The following SESTD1 variants were observed in gnomAD, a reference collection of about 807,000 sequenced individuals.
SESTD1 encodes SEC14 and spectrin domain containing 1.
In SESTD1, 43 loss-of-function variants were observed where a neutral mutation model predicts 101.7. The ratio of observed to expected loss-of-function variants is 0.42; its 90% CI spans 0.33 to 0.55. The LOEUF is 0.55. Ranked by LOEUF, SESTD1 falls within the 20% of genes least tolerant of loss-of-function variation. The pLI is 0.07. For synonymous variants in SESTD1, 283 were observed against 286.8 expected (o/e 0.99, Z 0.13); for missense variants, 647 against 815.1 (o/e 0.79, Z 2.51).
intron 10 of SESTD1, among the ~76,000 whole-genome samples, chr2:179,128,021 GA>G (rs2044916887): frequency 1.3e-5 from 2 of 152,192 alleles, no homozygotes; most frequent in Non-Finnish European, 2.9e-5. Context: ...TAGAGTCCTA[GA>G]ATAGCACTTT....
intron 5 of SESTD1, among the ~76,000 whole-genome samples, chr2:179,155,328 A>G (rs961108182): frequency 6.6e-6 from 1 of 152,188 alleles, no homozygotes. Flanking sequence ...CAATATATTA[A>G]TAAGATATAT....
intron 2 of SESTD1, among the ~76,000 whole-genome samples, chr2:179,191,289 A>G: frequency 6.6e-6 from 1 of 152,230 alleles, no homozygotes; most frequent in Non-Finnish European, 1.5e-5. Flanking sequence ...ACATGGATGC[A>G]GCCAGAGGCC....
At chr2:179,249,565 T>A (rs2047284509) in intron 1 of SESTD1, among the ~76,000 whole-genome samples, 1 of 152,210 alleles carries the variant, frequency 6.6e-6, no homozygotes. Context: ...GCAGACTCAC[T>A]ATAGAAACGT....
chr2:179,123,298 C>T (rs1312746518), intron 12 of SESTD1, among the ~76,000 whole-genome samples: 1 of 152,100 alleles, frequency 6.6e-6, no homozygotes, highest in Non-Finnish European at 1.5e-5. Context: ...ACCAAAAAAC[C>T]AAACCAACTA....
chr2:179,198,857 A>T (rs1221884140), intron 1 of SESTD1, among the ~76,000 whole-genome samples: 5 of 151,532 alleles, frequency 3.3e-5, no homozygotes, highest in Non-Finnish European at 7.4e-5. Context: ...AAAGCAGGAA[A>T]GATCCAAAAT....
At chr2:179,131,425 A>C (rs1370938779) in intron 10 of SESTD1, among the ~76,000 whole-genome samples, 1 of 152,212 alleles carries the variant, frequency 6.6e-6, no homozygotes, top group African/African-American at 2.4e-5. Flanking sequence ...GAAACGTTGC[A>C]GAAATTAATG....
chr2:179,227,990 A>G (rs560629592), intron 1 of SESTD1, among the ~76,000 whole-genome samples: 5 of 152,278 alleles, frequency 3.3e-5, no homozygotes. Flanking sequence ...TTTTAGCTTA[A>G]GCCCACTCAC....
rs1160117644 is a variant in SESTD1 at position 179,206,506 on chromosome 2, G to A, written c.-25-14640C>T. 2.2e-5 allele frequency among the ~76,000 whole-genome samples: 3 copies of A among 135,656 alleles called. 1 individual carries two copies. The highest frequency in any genetic ancestry group is 4.8e-5 in the Non-Finnish European group (3 of 62,942). 89.0% of individuals were successfully genotyped at this position (135,656 alleles called of 152,430 possible). ...CTGGAAGAGCCCTGTAGGCACTCCT[G>A]GTCCCCAGCATGAGCCCAGGGAAGC... On this transcript the variant is annotated intron_variant, in intron 1 of 17. Transcript: ENST00000428443.
Position 179,236,266 on chromosome 2 carries a change from T to C in SESTD1, c.-26+28233A>G, listed in dbSNP as rs964669105. ...ACTTTGGGAAGCTAAGACAGGAGGA[T>C]TGCTTGACCCCAAGAGTTCAAGACC... On this transcript the variant is annotated intron_variant, in intron 1 of 17. Transcript: ENST00000428443. Among the ~76,000 whole-genome samples, 4 of 147,974 alleles carry C rather than the reference T, an allele frequency of 2.7e-5. No individual in the cohort carries two copies. In the South Asian group the frequency reaches 6.4e-4, roughly 24 times the overall value.
rs1441839347 is a variant in SESTD1, at chr2:179,126,527, C to T, written c.973-1969G>A. On this transcript the variant is annotated intron_variant, in intron 10 of 17. Coordinates refer to ENST00000428443, the MANE Select transcript of SESTD1 (RefSeq NM_178123.5). Reference sequence around the variant, plus strand: ...TCTTCTCACTGGGTTTGGATGACTTCACCTAGTCCCATGCCTTTAAATAGA... The same window carrying T: ...TCTTCTCACTGGGTTTGGATGACTTTACCTAGTCCCATGCCTTTAAATAGA... Among the ~76,000 whole-genome samples, 3 of 152,158 alleles carry T rather than the reference C, an allele frequency of 2.0e-5. No individual in the cohort carries two copies. The East Asian group carries it at 5.8e-4, about 29-fold the overall frequency.
At chr2:179,241,594 A>C (rs527408087) in intron 1 of SESTD1, among the ~76,000 whole-genome samples, 1 of 150,286 alleles carries the variant, frequency 6.7e-6, no homozygotes, top group Non-Finnish European at 1.5e-5. Flanking sequence ...GTTCAACACC[A>C]GTCTTGGCAA....
chr2:179,202,265 C>G (rs2046528851), intron 1 of SESTD1, among the ~76,000 whole-genome samples: 1 of 133,636 alleles, frequency 7.5e-6, no homozygotes, highest in South Asian at 2.9e-4. Context: ...TGTCCCGCTA[C>G]TTTCTGCTTT....
chr2:179,164,240 T>C (rs765213882), intron 5 of SESTD1, among the ~76,000 whole-genome samples: 31 of 152,188 alleles, frequency 2.0e-4, no homozygotes, highest in Non-Finnish European at 2.6e-4. Context: ...AGGGGTGTTC[T>C]TGAAAGAAGA....
chr2:179,183,898 AAGGGAGGTAGGG>A (rs2046163557), intron 2 of SESTD1, among the ~76,000 whole-genome samples: 1 of 148,090 alleles, frequency 6.8e-6, no homozygotes, highest in South Asian at 2.3e-4. Context: ...GGAAACGAGG[AAGGGAGGTAGGG>A]AGGGAGGGAG....
chr2:179,244,471 C>CCAA (rs200745418), intron 1 of SESTD1, among the ~76,000 whole-genome samples: 9 of 129,818 alleles, frequency 6.9e-5, no homozygotes, highest in African/African-American at 3.8e-4. Flanking sequence ...AAAAAACAAA[C>CCAA]CAACAAAAAA....
chr2:179,238,911 T>C (rs1238546822), intron 1 of SESTD1, among the ~76,000 whole-genome samples: 2 of 152,178 alleles, frequency 1.3e-5, no homozygotes, highest in Non-Finnish European at 2.9e-5. Flanking sequence ...GCTTTTATTA[T>C]TAGAAACTAA....
At chr2:179,114,370 AC>A (rs1267248778) in intron 16 of SESTD1, among the ~76,000 whole-genome samples, 2 of 152,206 alleles carry the variant, frequency 1.3e-5, no homozygotes, top group African/African-American at 4.8e-5. Context: ...AACATTCCCT[AC>A]ATATAAACTT....
At chr2:179,184,751 T>G (rs914596222) in intron 2 of SESTD1, among the ~76,000 whole-genome samples, 1 of 152,126 alleles carries the variant, frequency 6.6e-6, no homozygotes, top group African/African-American at 2.4e-5. Flanking sequence ...TTGCTAAGCT[T>G]TATCCACCCA....
intron 12 of SESTD1, among the ~76,000 whole-genome samples, chr2:179,122,753 G>GTAATTTTTGT (rs2044782652): frequency 6.6e-6 from 1 of 151,966 alleles, no homozygotes; most frequent in African/African-American, 2.4e-5. Context: ...AAAATTAGCC[G>GTAATTTTTGT]GGCGTGGTGG....
Sources: gnomAD v4.1 joint callset for allele counts (sites outside exome capture counted in the v4.1 genomes callset) on GRCh38, gnomAD v4.1.1 for gene constraint, MANE v1.5 for transcripts, NCBI Gene and HGNC (gene_info 2026-07-23, HGNC 2026-07-21) for gene names.